UNC13C: variants seen among roughly 807,000 people sequenced by gnomAD.
The protein encoded by UNC13C is protein unc-13 homolog C.
In UNC13C, 174 loss-of-function variants were observed where a neutral mutation model predicts 245.4. The ratio of observed to expected loss-of-function variants is 0.71; its 90% confidence interval spans 0.63 to 0.80. The LOEUF (loss-of-function observed/expected upper bound fraction) is 0.80. Ranked by LOEUF, UNC13C falls within the 30% of genes least tolerant of loss-of-function variation. UNC13C has a pLI of 0.00. For synonymous variants in UNC13C, 992 were observed against 895.1 expected (o/e 1.11, Z -1.93); for missense variants, 2,829 against 2,602.9 (o/e 1.09, Z -1.89).
chr15:54,011,862 G>C (rs1434924891), intron 1 of UNC13C, among the ~76,000 whole-genome samples: 1 of 152,190 alleles, frequency 6.6e-6, no homozygotes, highest in Non-Finnish European at 1.5e-5. Context: ...CAAGTGGAGA[G>C]AGCTGATAAA....
the UNC13C span, among the ~76,000 whole-genome samples, chr15:53,859,160 A>G: frequency 6.6e-6 from 1 of 152,130 alleles, no homozygotes; most frequent in African/African-American, 2.4e-5. Context: ...ACAAAAAAGA[A>G]CCCTATGAAG....
intron 19 of UNC13C, among the ~76,000 whole-genome samples, chr15:54,478,297 T>G (rs1365552450): frequency 7.9e-6 from 1 of 126,164 alleles, no homozygotes; most frequent in African/African-American, 3.0e-5. Context: ...ATTTTTTTTT[T>G]GTCTCTATTT....
At chr15:54,419,316 G>A (rs972206134) in intron 19 of UNC13C, among the ~76,000 whole-genome samples, 2 of 152,114 alleles carry the variant, frequency 1.3e-5, no homozygotes, top group African/African-American at 2.4e-5. Flanking sequence ...GGAAAGAACA[G>A]GACTAAACTA....
At position 54,333,915 on chromosome 15, in the gene UNC13C, G is replaced by A. The variant is rs560492217; in HGVS notation, c.4584+59G>A. 122 of 1,305,978 alleles carry A rather than the reference G, an allele frequency of 9.3e-5. No individual in the cohort carries two copies. In the African/African-American group the frequency reaches 1.5e-3, roughly 16 times the overall value. 80.9% of individuals were successfully genotyped at this position (1,305,978 alleles called of 1,614,324 possible). ...TGACATAGAATACATTCATCCCCTG[G>A]TAAAGTCTTGCTTTACCCTCCTCTT... On this transcript the variant is annotated intron_variant, in intron 16 of 32. Coordinates refer to ENST00000260323, the MANE Select transcript of UNC13C (RefSeq NM_001080534.3).
chr15:54,448,809 CT>C (rs1890986318), intron 19 of UNC13C, among the ~76,000 whole-genome samples: 1 of 152,118 alleles, frequency 6.6e-6, no homozygotes, highest in Non-Finnish European at 1.5e-5. Context: ...GAATTTGATC[CT>C]GTCATTATGA....
chr15:53,923,257 T>A, the UNC13C span, among the ~76,000 whole-genome samples: 4 of 152,234 alleles, frequency 2.6e-5, no homozygotes, highest in Non-Finnish European at 5.9e-5. Context: ...GTAATGTGAT[T>A]ATTTTTGTGA....
intron 17 of UNC13C, among the ~76,000 whole-genome samples, chr15:54,389,827 C>T (rs960613085): frequency 6.6e-6 from 1 of 151,930 alleles, no homozygotes; most frequent in South Asian, 2.1e-4. Flanking sequence ...CTCTCAGGTT[C>T]GAGCAATTCT....
At chr15:54,318,282 G>A (rs1596208866) in intron 13 of UNC13C, among the ~76,000 whole-genome samples, 1 of 151,842 alleles carries the variant, frequency 6.6e-6, no homozygotes, top group East Asian at 2.0e-4. Flanking sequence ...CTATTTTTTA[G>A]TTTTTTGAAG....
At chr15:54,573,575 C>T (rs1440029928) in intron 30 of UNC13C, among the ~76,000 whole-genome samples, 2 of 152,206 alleles carry the variant, frequency 1.3e-5, no homozygotes, top group African/African-American at 4.8e-5. Flanking sequence ...TACTGAGTGT[C>T]CCCTCTGGGC....
At chr15:53,995,502 A>G (rs943237496) in intron 1 of UNC13C, among the ~76,000 whole-genome samples, 6 of 113,358 alleles carry the variant, frequency 5.3e-5, no homozygotes, top group African/African-American at 6.9e-5. Flanking sequence ...TCAATGTTCA[A>G]CTTTTACAAG....
the UNC13C span, among the ~76,000 whole-genome samples, chr15:53,918,559 G>A: frequency 6.6e-6 from 1 of 152,192 alleles, no homozygotes; most frequent in Non-Finnish European, 1.5e-5. Context: ...TTTAAAGTCT[G>A]TCCCTGGCTG....
At chr15:53,859,639 C>CAA in the UNC13C span, among the ~76,000 whole-genome samples, 1 of 151,924 alleles carries the variant, frequency 6.6e-6, no homozygotes, top group Non-Finnish European at 1.5e-5. Context: ...CATACACACA[C>CAA]ACACACTCAT....
At chr15:54,554,735 A>T (rs996112266) in intron 28 of UNC13C, among the ~76,000 whole-genome samples, 1 of 152,014 alleles carries the variant, frequency 6.6e-6, no homozygotes, top group Non-Finnish European at 1.5e-5. Context: ...AGACATTTTT[A>T]AATTTTTCCC....
chr15:53,945,493 A>AGGG, the UNC13C span, among the ~76,000 whole-genome samples: 1 of 152,124 alleles, frequency 6.6e-6, no homozygotes, highest in Admixed American at 6.5e-5. Flanking sequence ...CTATTTATTA[A>AGGG]GTGGGGGGTC....
At chr15:54,146,108 A>C (rs2032245382) in intron 4 of UNC13C, among the ~76,000 whole-genome samples, 1 of 152,182 alleles carries the variant, frequency 6.6e-6, no homozygotes, top group African/African-American at 2.4e-5. Context: ...ATGAGCCTTC[A>C]ATCACAACCT....
At chr15:54,364,195 A>G (rs942132089) in intron 17 of UNC13C, among the ~76,000 whole-genome samples, 12 of 152,208 alleles carry the variant, frequency 7.9e-5, no homozygotes, top group Non-Finnish European at 1.3e-4. Context: ...ATGTGTCTTG[A>G]TAGTTGAAGA....
intron 19 of UNC13C, among the ~76,000 whole-genome samples, chr15:54,473,453 A>G (rs1054428275): frequency 6.6e-6 from 1 of 151,734 alleles, no homozygotes; most frequent in Non-Finnish European, 1.5e-5. Flanking sequence ...CAACTTTCTT[A>G]TTCTTTCTTT....
chr15:54,516,787 G>A (rs932162421), intron 24 of UNC13C, among the ~76,000 whole-genome samples: 1 of 118,930 alleles, frequency 8.4e-6, no homozygotes, highest in African/African-American at 3.8e-5. Flanking sequence ...AAAACGGAGT[G>A]AGATGCTGTC....
At chr15:54,080,453 G>GT (rs556430608) in intron 2 of UNC13C, among the ~76,000 whole-genome samples, 2 of 151,428 alleles carry the variant, frequency 1.3e-5, no homozygotes, top group East Asian at 1.9e-4. Context: ...CTGATCTTGG[G>GT]TTTTTTTTAG....
Sources: allele counts gnomAD v4.1 joint callset (sites outside exome capture counted in the v4.1 genomes callset), GRCh38; gene constraint gnomAD v4.1.1; transcripts MANE v1.5; gene names NCBI Gene and HGNC (gene_info 2026-07-23, HGNC 2026-07-21).